Variants in FRMD5 observed in about 807,000 individuals in gnomAD.
FRMD5 encodes FERM domain-containing protein 5.
A neutral mutation model predicts 69.0 loss-of-function variants in FRMD5; 20 were observed. The observed-to-expected ratio is 0.29, with a 90% CI of 0.20 to 0.42. The LOEUF is 0.42. Ranked by LOEUF, FRMD5 falls within the 10% of genes least tolerant of loss-of-function variation. FRMD5 has a pLI of 1.00. For missense variants in FRMD5, 595 were observed against 708.6 expected, an observed-to-expected ratio of 0.84 and a Z score of 1.82; for synonymous variants, 271 against 260.1, an observed-to-expected ratio of 1.04 and a Z score of -0.40.
chr15:44,106,521 C>T (rs1566949016), intron 1 of FRMD5, among the ~76,000 whole-genome samples: 1 of 152,170 alleles, frequency 6.6e-6, no homozygotes, highest in Non-Finnish European at 1.5e-5. Flanking sequence ...AACCATCCTT[C>T]ACCTGCCTCA....
chr15:43,921,999 G>A (rs2089501953), intron 2 of FRMD5, among the ~76,000 whole-genome samples: 2 of 152,090 alleles, frequency 1.3e-5, no homozygotes, highest in African/African-American at 2.4e-5. Context: ...GAGGGAGCAG[G>A]GGAGCTCAGC....
In FRMD5 at chr15:43,966,087, A is replaced by C. The variant is rs138770621; in HGVS notation, c.103-41778T>G. ...AATTCTTGCCTTTTAAGAGTTTATCATCTGGGCTGGGTGCGGTGACTTACG... is the reference window on the plus strand; with the variant it reads ...AATTCTTGCCTTTTAAGAGTTTATCCTCTGGGCTGGGTGCGGTGACTTACG... On this transcript the variant is annotated intron_variant, in intron 1 of 13. Transcript: ENST00000417257. Among the ~76,000 whole-genome samples, 894 of 152,102 alleles carry C rather than the reference A, an allele frequency of 5.9e-3. 11 individuals are homozygous for C. Among genetic ancestry groups the C allele is most frequent in the African/African-American group, 0.02 (846 of 41,518 alleles).
At chr15:43,906,101 A>G in intron 5 of FRMD5, 150 bp from the exon 6 acceptor site, 1 of 997,186 alleles carries the variant, frequency 1.0e-6, no homozygotes, top group Non-Finnish European at 1.5e-6. Flanking sequence ...TGGGCTGGGC[A>G]GAGGGCAGGC....
chr15:44,194,501 C>T (rs1310299241), intron 1 of FRMD5: 1 of 260,410 alleles, frequency 3.8e-6, no homozygotes, highest in Non-Finnish European at 7.5e-6. Flanking sequence ...TGACATAAAC[C>T]ATTATCCTTC....
intron 1 of FRMD5, 130 bp from the exon 2 acceptor site, chr15:43,924,439 A>G (rs956563076): frequency 6.1e-6 from 4 of 653,166 alleles, no homozygotes; most frequent in African/African-American, 1.8e-5. Flanking sequence ...GTCCATAACT[A>G]TGTCCTCCAC....
chr15:44,092,874 A>G (rs116383691), intron 1 of FRMD5, among the ~76,000 whole-genome samples: 1,665 of 151,276 alleles, frequency 0.011, 23 homozygotes, highest in African/African-American at 0.038. Context: ...TGTCCTCGGA[A>G]ACTTTTATCT....
At chr15:44,147,885 T>C (rs983717323) in intron 1 of FRMD5, among the ~76,000 whole-genome samples, 9 of 152,194 alleles carry the variant, frequency 5.9e-5, no homozygotes, top group African/African-American at 1.7e-4. Flanking sequence ...CTGGAGCTGC[T>C]TGCACATAGC....
intron 1 of FRMD5, among the ~76,000 whole-genome samples, chr15:43,969,113 G>T (rs1423930280): frequency 2.7e-5 from 4 of 150,746 alleles, no homozygotes; most frequent in Non-Finnish European, 5.9e-5. Context: ...TTGGAGACAG[G>T]ATCTTGCTCT....
chr15:43,894,050 TA>T (rs1448926601), intron 7 of FRMD5, among the ~76,000 whole-genome samples: 1 of 152,198 alleles, frequency 6.6e-6, no homozygotes, highest in Non-Finnish European at 1.5e-5. Flanking sequence ...AAAAGCTGTT[TA>T]AAAATAACTG....
intron 1 of FRMD5, among the ~76,000 whole-genome samples, chr15:43,959,544 G>T (rs967876683): frequency 6.6e-6 from 1 of 152,194 alleles, no homozygotes; most frequent in Admixed American, 6.5e-5. Flanking sequence ...TGAGCACAAT[G>T]AACTGACTGG....
At position 43,977,658 on chromosome 15, in the gene FRMD5, G is replaced by A. The variant is rs371955370; in HGVS notation, c.103-53349C>T. Among the ~76,000 whole-genome samples the A allele has an allele frequency of 3.3e-4, 50 of 152,296 alleles. 1 individual carries two copies. Among genetic ancestry groups the A allele is most frequent in the African/African-American group, 1.2e-3 (50 of 41,556 alleles). On this transcript the variant is annotated intron_variant, in intron 1 of 13. Coordinates refer to ENST00000417257, the MANE Select transcript of FRMD5 (RefSeq NM_032892.5). ...CAATTAAAGGGAGTGCCCAATGGAG[G>A]AAATAACTGAAAAAGTCAGCAGGTT...
intron 1 of FRMD5, among the ~76,000 whole-genome samples, chr15:44,106,038 A>G (rs2140552546): frequency 6.6e-6 from 1 of 152,284 alleles, no homozygotes; most frequent in East Asian, 1.9e-4. Context: ...TGGTTGTTTA[A>G]CTGTATTGGT....
intron 7 of FRMD5, 63 bp downstream of exon 7, chr15:43,902,112 C>T (rs1211907041): frequency 2.4e-5 from 29 of 1,200,326 alleles, no homozygotes; most frequent in Non-Finnish European, 3.6e-5. Flanking sequence ...GGCATGGGGG[C>T]TCTTGCTCCT....
chr15:43,957,473 T>C (rs2090133398), intron 1 of FRMD5, among the ~76,000 whole-genome samples: 1 of 152,244 alleles, frequency 6.6e-6, no homozygotes. Context: ...GCTGGGATTA[T>C]GGGTGTGAGC....
chr15:43,923,112 T>C (rs1011720870), intron 2 of FRMD5, among the ~76,000 whole-genome samples: 3 of 152,226 alleles, frequency 2.0e-5, no homozygotes, highest in African/African-American at 7.2e-5. Context: ...TGCAGGTGTC[T>C]GCAAGCTGGG....
At chr15:44,023,084 C>G (rs1209629378) in intron 1 of FRMD5, among the ~76,000 whole-genome samples, 1 of 151,904 alleles carries the variant, frequency 6.6e-6, no homozygotes, top group Non-Finnish European at 1.5e-5. Context: ...TGTATTTATG[C>G]AAAAATAGGG....
intron 1 of FRMD5, among the ~76,000 whole-genome samples, chr15:43,954,691 C>G (rs2090087258): frequency 6.6e-6 from 1 of 152,220 alleles, no homozygotes; most frequent in South Asian, 2.1e-4. Context: ...CATCCACCTT[C>G]TCTTGGCCTG....
At chr15:43,990,241 C>CCTG in intron 1 of FRMD5, 1 of 398,224 alleles carries the variant, frequency 2.5e-6, no homozygotes, top group Non-Finnish European at 4.8e-6. Context: ...AGGCTCTGTG[C>CCTG]TCGCAGGGTG....
chr15:44,194,792 T>G (rs1291547617), intron 1 of FRMD5, 161 bp downstream of exon 1: 3 of 715,640 alleles, frequency 4.2e-6, no homozygotes, highest in Non-Finnish European at 7.4e-6. Flanking sequence ...GGGGCTCCGG[T>G]GAAGACGCCC....
Sources: allele counts gnomAD v4.1 joint callset (sites outside exome capture counted in the v4.1 genomes callset), GRCh38; gene constraint gnomAD v4.1.1; transcripts MANE v1.5; gene names NCBI Gene and HGNC (gene_info 2026-07-23, HGNC 2026-07-21).